STEAP1B: variants seen among roughly 807,000 people sequenced by gnomAD.
STEAP1B encodes the protein STEAP family protein MGC87042.
Under a neutral mutation model 27.9 loss-of-function variants are expected in STEAP1B, and 13 were observed. The ratio of observed to expected loss-of-function variants is 0.47; its 90% confidence interval spans 0.30 to 0.74. The LOEUF (loss-of-function observed/expected upper bound fraction) is 0.74. Ranked by LOEUF, STEAP1B falls within the 30% of genes least tolerant of loss-of-function variation. STEAP1B has a pLI of 0.06. For synonymous variants in STEAP1B, 86 were observed against 107.1 expected, an observed-to-expected ratio of 0.80 and a Z score of 1.22; for missense variants, 250 against 298.7, an observed-to-expected ratio of 0.84 and a Z score of 1.20.
rs73268530 is a variant in STEAP1B, at chr7:22,459,156, C to T, written c.762+33409G>A. On this transcript the variant is annotated intron_variant, in intron 4 of 4. Coordinates refer to ENST00000678116, the MANE Select transcript of STEAP1B (RefSeq NM_001382447.1). Reference sequence around the variant, plus strand: ...CATGCTGTTTCCTCCGAGCTATTTGCACTTTAGTTAGTGCAGAAAATGTCA... The same window carrying T: ...CATGCTGTTTCCTCCGAGCTATTTGTACTTTAGTTAGTGCAGAAAATGTCA... Among the ~76,000 whole-genome samples, 193 of 152,328 alleles carry T rather than the reference C, an allele frequency of 1.3e-3. 1 individual carries two copies. Among genetic ancestry groups the T allele is most frequent in the African/African-American group, 4.4e-3 (181 of 41,560 alleles).
At chr7:22,456,317 C>T (rs1327090193) in intron 4 of STEAP1B, among the ~76,000 whole-genome samples, 3 of 152,140 alleles carry the variant, frequency 2.0e-5, no homozygotes, top group Admixed American at 6.5e-5. Flanking sequence ...AGGAAGAAAT[C>T]GTGCTTAAAA....
At chr7:22,436,200 CT>C (rs56840339) in intron 4 of STEAP1B, among the ~76,000 whole-genome samples, 42,459 of 152,090 alleles carry the variant, frequency 0.28, 7,052 homozygotes, top group Non-Finnish European at 0.35. Flanking sequence ...ACTTTTCATA[CT>C]TTTTTAAAAA....
chr7:22,423,659 T>A (rs1179930632), intron 4 of STEAP1B, among the ~76,000 whole-genome samples: 1 of 151,844 alleles, frequency 6.6e-6, no homozygotes, highest in African/African-American at 2.4e-5. Context: ...TGGAAGGGGG[T>A]GATAAAAATG....
intron 4 of STEAP1B, among the ~76,000 whole-genome samples, chr7:22,437,326 A>C (rs1785268146): frequency 6.6e-6 from 1 of 152,116 alleles, no homozygotes; most frequent in East Asian, 1.9e-4. Context: ...ACTATTTTAG[A>C]TTCCTCAAAC....
intron 4 of STEAP1B, among the ~76,000 whole-genome samples, chr7:22,448,960 T>A (rs1397522581): frequency 6.6e-6 from 1 of 152,166 alleles, no homozygotes; most frequent in Non-Finnish European, 1.5e-5. Flanking sequence ...CTAGGTAAGG[T>A]AAGAGACAAG....
At chr7:22,472,381 G>A (rs1292028030) in intron 4 of STEAP1B, among the ~76,000 whole-genome samples, 2 of 152,188 alleles carry the variant, frequency 1.3e-5, no homozygotes, top group Non-Finnish European at 2.9e-5. Context: ...GACACTCCTT[G>A]TCATTCCTAG....
At chr7:22,462,160 C>G (rs1489570632) in intron 4 of STEAP1B, among the ~76,000 whole-genome samples, 1 of 152,064 alleles carries the variant, frequency 6.6e-6, no homozygotes, top group African/African-American at 2.4e-5. Context: ...TTTACTCTCC[C>G]CTAGCTTCAC....
intron 4 of STEAP1B, among the ~76,000 whole-genome samples, chr7:22,471,422 C>T (rs1785881917): frequency 1.3e-5 from 2 of 152,126 alleles, no homozygotes; most frequent in African/African-American, 4.8e-5. Flanking sequence ...CATCTGCTGC[C>T]ATCCAAAGAT....
intron 4 of STEAP1B, among the ~76,000 whole-genome samples, chr7:22,435,932 C>A (rs181469507): frequency 5.4e-4 from 82 of 152,350 alleles, no homozygotes; most frequent in African/African-American, 1.7e-3. Context: ...CCTGCCATCT[C>A]TCAAGCTGAG....
At position 22,448,392 on chromosome 7, in the gene STEAP1B, T is replaced by A. The variant is rs184677979; in HGVS notation, c.763-28556A>T. ...TTAAAATACATGAATGATCTTTTAATAGAACTTTTTTCCTTGAACTCATAT... is the reference window on the plus strand; with the variant it reads ...TTAAAATACATGAATGATCTTTTAAAAGAACTTTTTTCCTTGAACTCATAT... On this transcript the variant is annotated intron_variant, in intron 4 of 4. Transcript: ENST00000678116. Among the ~76,000 whole-genome samples, 1,063 of 152,314 alleles carry A rather than the reference T, an allele frequency of 7.0e-3. 12 individuals carry two copies. The highest frequency in any genetic ancestry group is 0.023 in the African/African-American group (975 of 41,566).
Position 22,493,642 on chromosome 7 carries a change from T to C in STEAP1B, c.279A>G (p.Glu93=). Residue 93 remains glutamate, a synonymous_variant, in exon 3 of 5, where the codon GAA becomes GAG. Transcript: ENST00000678116. ...GGGAAGTTGCTAAAGGGTGAATTAC[T>C]TCCCTCAGAAGAGTGTAAAGAAAAG... ...SLTFLYTLLR[E]VIHPLATSHQ... is the part of the protein sequence containing the mutation. 1 of 1,614,010 alleles carries C rather than the reference T, an allele frequency of 6.2e-7. No homozygotes were observed. Among genetic ancestry groups the C allele is most frequent in the South Asian group, 1.1e-5 (1 of 91,070 alleles).
At chr7:22,434,847 A>T (rs1785234716) in intron 4 of STEAP1B, among the ~76,000 whole-genome samples, 1 of 152,220 alleles carries the variant, frequency 6.6e-6, no homozygotes, top group Non-Finnish European at 1.5e-5. Flanking sequence ...GTCCTTTATC[A>T]AAATTTATTT....
At chr7:22,464,746 C>T (rs116121594) in intron 4 of STEAP1B, among the ~76,000 whole-genome samples, 242 of 151,214 alleles carry the variant, frequency 1.6e-3, no homozygotes, top group African/African-American at 5.5e-3. Context: ...AGAGAGGCCT[C>T]GGGAGAAATG....
chr7:22,465,366 G>A (rs1395065294), intron 4 of STEAP1B, among the ~76,000 whole-genome samples: 2 of 152,080 alleles, frequency 1.3e-5, no homozygotes, highest in Non-Finnish European at 2.9e-5. Context: ...ACTAATGTAC[G>A]GATTTTTTTG....
intron 4 of STEAP1B, among the ~76,000 whole-genome samples, chr7:22,424,498 T>C (rs747226596): frequency 1.1e-4 from 17 of 152,316 alleles, no homozygotes; most frequent in Middle Eastern, 6.8e-3. Flanking sequence ...AAGAACATTA[T>C]TTCATACTCA....
At chr7:22,464,843 G>T (rs1480111819) in intron 4 of STEAP1B, among the ~76,000 whole-genome samples, 1 of 149,418 alleles carries the variant, frequency 6.7e-6, no homozygotes, top group Non-Finnish European at 1.5e-5. Flanking sequence ...CTGGTATTTT[G>T]CTATGGCAAC....
At chr7:22,473,579 G>T (rs1273573207) in intron 4 of STEAP1B, among the ~76,000 whole-genome samples, 1 of 152,188 alleles carries the variant, frequency 6.6e-6, no homozygotes, top group Non-Finnish European at 1.5e-5. Context: ...GAGACACGTT[G>T]AGTTTTTCAA....
chr7:22,445,667 C>T lies in STEAP1B; in HGVS notation c.763-25831G>A, dbSNP rs574113752. Reference sequence around the variant, plus strand: ...CCTTTTCCGGCTTGGGGGAAGTCCCCGTGGTGATCCAGCTTCCCAGATGCA... The same window carrying T: ...CCTTTTCCGGCTTGGGGGAAGTCCCTGTGGTGATCCAGCTTCCCAGATGCA... On this transcript the variant is annotated intron_variant, in intron 4 of 4. Transcript: ENST00000678116. 7.2e-5 allele frequency among the ~76,000 whole-genome samples: 11 copies of T among 152,346 alleles called. No individual in the cohort carries two copies. In the South Asian group the frequency reaches 1.0e-3, roughly 14 times the overall value.
intron 4 of STEAP1B, among the ~76,000 whole-genome samples, chr7:22,472,278 G>GA: frequency 6.6e-6 from 1 of 152,308 alleles, no homozygotes; most frequent in Non-Finnish European, 1.5e-5. Flanking sequence ...GGTATATGAT[G>GA]AGAGTCTTAC....
Sources: allele counts gnomAD v4.1 joint callset (sites outside exome capture counted in the v4.1 genomes callset), GRCh38; gene constraint gnomAD v4.1.1; transcripts MANE v1.5; gene names NCBI Gene and HGNC (gene_info 2026-07-23, HGNC 2026-07-21).